METAP1D: variants seen among roughly 807,000 people sequenced by gnomAD.
METAP1D encodes methionine aminopeptidase 1D, mitochondrial.
Under a neutral mutation model 40.5 loss-of-function variants are expected in METAP1D, and 31 were observed. That is an observed-to-expected ratio of 0.77 (90% CI 0.58 to 1.03). The LOEUF is 1.03. Ranked by LOEUF, METAP1D falls within the 50% of genes least tolerant of loss-of-function variation. The pLI is 0.00. For missense variants in METAP1D, 411 were observed against 420.7 expected, an observed-to-expected ratio of 0.98 and a Z score of 0.20; for synonymous variants, 151 against 146.4, an observed-to-expected ratio of 1.03 and a Z score of -0.22.
intron 1 of METAP1D, among the ~76,000 whole-genome samples, chr2:172,041,065 C>G (rs1372868082): frequency 6.7e-6 from 1 of 149,560 alleles, no homozygotes; most frequent in East Asian, 2.0e-4. Context: ...CACACCTGGC[C>G]CATTCAGGCC....
intron 1 of METAP1D, among the ~76,000 whole-genome samples, chr2:172,043,355 G>A (rs1559008965): frequency 7.6e-6 from 1 of 131,618 alleles, no homozygotes; most frequent in Non-Finnish European, 1.8e-5. Context: ...TTGGAAGGAA[G>A]GAGGATAATA....
chr2:172,062,285 C>T (rs1159494187), intron 2 of METAP1D, among the ~76,000 whole-genome samples: 1 of 152,142 alleles, frequency 6.6e-6, no homozygotes, highest in East Asian at 1.9e-4. Context: ...TCTGCTTTCT[C>T]CCTTTTATGA....
At chr2:172,072,950 C>G (rs1292894333) in intron 6 of METAP1D, among the ~76,000 whole-genome samples, 1 of 152,114 alleles carries the variant, frequency 6.6e-6, no homozygotes, top group Non-Finnish European at 1.5e-5. Context: ...TCAGTAAGGT[C>G]ACAGTAGGAA....
chr2:172,074,011 G>A (rs1272280146), intron 6 of METAP1D, among the ~76,000 whole-genome samples: 2 of 152,148 alleles, frequency 1.3e-5, no homozygotes, highest in African/African-American at 4.8e-5. Flanking sequence ...ATGTTTTAAT[G>A]GAAAGAGTTC....
In METAP1D at chr2:172,061,634, T is replaced by C; in HGVS notation, c.177T>C (p.Ser59=). The change falls in exon 2 of 10, where the codon TCT becomes TCC. Residue 59 remains serine, a synonymous_variant. Coordinates refer to ENST00000315796, the MANE Select transcript of METAP1D (RefSeq NM_199227.3). Reference sequence around the variant, plus strand: ...GTATAGTTTTGCCGGCTGCAGTTTCTTCAGCTCATCCGGTTCCTAAGGTAC... The same window carrying C: ...GTATAGTTTTGCCGGCTGCAGTTTCCTCAGCTCATCCGGTTCCTAAGGTAC... ...SHSIVLPAAV[S]SAHPVPKHIK... The C allele has an allele frequency of 6.2e-7, 1 of 1,612,436 alleles. No homozygotes were observed. Among genetic ancestry groups the C allele is most frequent in the South Asian group, 1.1e-5 (1 of 90,526 alleles).
chr2:172,016,300 A>AAAATATATATATAT (rs1553490378), intron 1 of METAP1D, among the ~76,000 whole-genome samples: 2 of 40,056 alleles, frequency 5.0e-5, no homozygotes, highest in Non-Finnish European at 4.6e-5. Flanking sequence ...AAAAAAAAAA[A>AAAATATATATATAT]ATATATATAT....
At chr2:172,078,643 G>A (rs1690611738) in intron 7 of METAP1D, among the ~76,000 whole-genome samples, 1 of 152,198 alleles carries the variant, frequency 6.6e-6, no homozygotes, top group South Asian at 2.1e-4. Flanking sequence ...TGGACACCCA[G>A]CAGGTCCAAA....
rs1690724871 is a variant in METAP1D at position 172,081,839 on chromosome 2, G to A, written c.*1433G>A. 1 of 152,232 alleles carries A rather than the reference G, an allele frequency of 6.6e-6. No homozygotes were observed. The highest frequency in any genetic ancestry group is 2.1e-4 in the South Asian group (1 of 4,836). 9.4% of individuals were successfully genotyped at this position (152,232 alleles called of 1,614,324 possible). On this transcript the variant is annotated 3_prime_UTR_variant, in exon 10 of 10. Coordinates refer to ENST00000315796, the MANE Select transcript of METAP1D (RefSeq NM_199227.3). ...AGGTGGTGTCCTCGGCCAGGACTAA[G>A]AGCCAGCTCATCTTTGTAACATTCA...
intron 1 of METAP1D, among the ~76,000 whole-genome samples, chr2:172,025,298 A>T (rs1689099181): frequency 6.6e-6 from 1 of 151,914 alleles, no homozygotes; most frequent in Admixed American, 6.6e-5. Context: ...TTAACTGAGA[A>T]TTTTTTTAGC....
intron 4 of METAP1D, 68 bp downstream of exon 4, chr2:172,065,820 T>G (rs879377702): frequency 1.3e-6 from 2 of 1,491,640 alleles, no homozygotes; most frequent in Admixed American, 4.0e-5. Flanking sequence ...CTGTAACATA[T>G]GTTGAAAGAC....
chr2:172,010,056 G>A (rs1382550423), intron 1 of METAP1D, among the ~76,000 whole-genome samples: 2 of 152,072 alleles, frequency 1.3e-5, no homozygotes, highest in Non-Finnish European at 2.9e-5. Flanking sequence ...TGGCGGCTTG[G>A]AGCAAAATTT....
At position 172,040,256 on chromosome 2, in the gene METAP1D, G is replaced by A. The variant is rs574889471; in HGVS notation, c.41-21242G>A. ...CAGGCGTGAGCCACTGCGCCCGGCC[G>A]AAAACTTTTTATTAGTGAGAAAAGT... On this transcript the variant is annotated intron_variant, in intron 1 of 9. Transcript: ENST00000315796. 5.9e-5 allele frequency among the ~76,000 whole-genome samples: 9 copies of A among 152,142 alleles called. No individual in the cohort carries two copies. In the South Asian group the frequency reaches 1.0e-3, roughly 18 times the overall value.
chr2:172,078,009 T>G, intron 7 of METAP1D, 115 bp downstream of exon 7: 1 of 536,872 alleles, frequency 1.9e-6, no homozygotes, highest in Non-Finnish European at 3.4e-6. Flanking sequence ...TGTTTGTGTG[T>G]GTGTTTATGT....
intron 1 of METAP1D, among the ~76,000 whole-genome samples, chr2:172,010,524 C>G (rs1261596372): frequency 1.7e-5 from 2 of 116,562 alleles, no homozygotes; most frequent in African/African-American, 6.3e-5. Context: ...AACAGAATCT[C>G]ACTCTGTCAC....
At chr2:172,017,362 T>C (rs1688896368) in intron 1 of METAP1D, among the ~76,000 whole-genome samples, 1 of 147,904 alleles carries the variant, frequency 6.8e-6, no homozygotes, top group South Asian at 2.1e-4. Flanking sequence ...TAGGTATATA[T>C]GTATATATAT....
chr2:172,076,061 A>G (rs539765612), intron 6 of METAP1D, among the ~76,000 whole-genome samples: 1 of 152,252 alleles, frequency 6.6e-6, no homozygotes, highest in East Asian at 1.9e-4. Context: ...GAGGGACCCT[A>G]AGTGTTTTTT....
intron 1 of METAP1D, among the ~76,000 whole-genome samples, chr2:172,046,989 G>A (rs1264892990): frequency 6.6e-6 from 1 of 152,194 alleles, no homozygotes; most frequent in African/African-American, 2.4e-5. Flanking sequence ...TGTGTATTGT[G>A]TAAATAGGTC....
chr2:172,036,261 G>C (rs1467754863), intron 1 of METAP1D, among the ~76,000 whole-genome samples: 1 of 148,324 alleles, frequency 6.7e-6, no homozygotes, highest in Non-Finnish European at 1.5e-5. Flanking sequence ...AGCTTGCAGA[G>C]AGCCGAGATC....
chr2:172,035,446 G>T (rs370601328), intron 1 of METAP1D, among the ~76,000 whole-genome samples: 73 of 152,038 alleles, frequency 4.8e-4, no homozygotes, highest in African/African-American at 1.7e-3. Context: ...TTACAGGTGT[G>T]AGCCACCACC....
Sources: allele counts gnomAD v4.1 joint callset (sites outside exome capture counted in the v4.1 genomes callset), GRCh38; gene constraint gnomAD v4.1.1; transcripts MANE v1.5; gene names NCBI Gene and HGNC (gene_info 2026-07-23, HGNC 2026-07-21).